Variants in HRH2 observed in about 807,000 individuals in gnomAD.
The protein encoded by HRH2 is histamine receptor H2.
HRH2 carries 4 observed loss-of-function variants against 20.1 expected under a neutral mutation model. That is an observed-to-expected ratio of 0.20 (90% CI 0.10 to 0.45). The LOEUF is 0.45. Among genes scored for constraint, HRH2 ranks in the 20% least tolerant of loss-of-function variants. The pLI is 0.99. For missense variants in HRH2, 250 were observed against 461.6 expected (o/e 0.54, Z 4.20); for synonymous variants, 197 against 200.7 (o/e 0.98, Z 0.16).
chr5:175,662,085 G>A (rs1042566615), intron 1 of HRH2, among the ~76,000 whole-genome samples: 18 of 152,262 alleles, frequency 1.2e-4, no homozygotes, highest in Admixed American at 6.5e-4. Context: ...ACAGTGGGGT[G>A]TGGCGAGAGT....
intron 1 of HRH2, among the ~76,000 whole-genome samples, chr5:175,665,258 G>A (rs1397333239): frequency 1.3e-5 from 2 of 152,212 alleles, no homozygotes; most frequent in East Asian, 1.9e-4. Context: ...TGCTACGACC[G>A]AGGAGGTACA....
At chr5:175,690,314 A>AT (rs1383156756) in intron 2 of HRH2, among the ~76,000 whole-genome samples, 1 of 152,142 alleles carries the variant, frequency 6.6e-6, no homozygotes, top group African/African-American at 2.4e-5. Context: ...AGTATGAGCC[A>AT]TGGCCACACC....
At chr5:175,674,051 A>C (rs995146277) in intron 1 of HRH2, among the ~76,000 whole-genome samples, 2 of 152,296 alleles carry the variant, frequency 1.3e-5, no homozygotes, top group Non-Finnish European at 2.9e-5. Context: ...AGCTTTTCCC[A>C]TACAAACAAA....
intron 2 of HRH2, among the ~76,000 whole-genome samples, chr5:175,700,377 C>T (rs1756757545): frequency 6.6e-6 from 1 of 152,182 alleles, no homozygotes; most frequent in African/African-American, 2.4e-5. Flanking sequence ...CACACATGAA[C>T]ACCTACTATA....
At position 175,710,692 on chromosome 5, in the gene HRH2, C is replaced by T. The variant is rs1222371101; in HGVS notation, c.*2721C>T. On this transcript the variant is annotated 3_prime_UTR_variant, in exon 3 of 3. Coordinates refer to ENST00000636584, the MANE Select transcript of HRH2 (RefSeq NM_001367711.1). ...TGCATGCTGCCTGGAGGAGGAACAT[C>T]TGTGGTGGGACCCCAAATCCATGTT... 1.3e-5 allele frequency: 2 copies of T among 152,254 alleles called. No individual in the cohort carries two copies. The highest frequency in any genetic ancestry group is 2.9e-5 in the Non-Finnish European group (2 of 68,046). 9.4% of individuals were successfully genotyped at this position (152,254 alleles called of 1,614,324 possible). A position where few individuals can be genotyped will look rare whatever the true frequency, so the allele number is the denominator to read the frequency against.
At chr5:175,685,432 GCT>G in intron 2 of HRH2, 1 of 1,551,564 alleles carries the variant, frequency 6.4e-7, no homozygotes, top group Non-Finnish European at 8.7e-7. Flanking sequence ...CTTCCAGAAT[GCT>G]GGTCTGTGGA....
intron 1 of HRH2, among the ~76,000 whole-genome samples, chr5:175,664,057 G>C (rs966382679): frequency 6.6e-6 from 1 of 152,228 alleles, no homozygotes; most frequent in African/African-American, 2.4e-5. Context: ...ACGGACTAGA[G>C]CAGGCAGTGT....
At chr5:175,692,869 C>T (rs753757405) in intron 2 of HRH2, among the ~76,000 whole-genome samples, 5 of 152,178 alleles carry the variant, frequency 3.3e-5, no homozygotes, top group African/African-American at 4.8e-5. Flanking sequence ...TGGTGAGGAA[C>T]GTGTTTTTTA....
chr5:175,689,992 G>C (rs527558284), intron 2 of HRH2, among the ~76,000 whole-genome samples: 20 of 152,232 alleles, frequency 1.3e-4, no homozygotes, highest in African/African-American at 4.8e-4. Flanking sequence ...TGATACACAC[G>C]CTTCTGAAGA....
Position 175,683,129 on chromosome 5 carries a change from T to A in HRH2, c.-105T>A. ...AAAAAAAAACTGGACACATTTTGGA[T>A]CTGTTGGGAGCTTGGAGTCCAGTGG... On this transcript the variant is annotated 5_prime_UTR_variant, in exon 2 of 3. Transcript: ENST00000636584. 2.5e-6 allele frequency: 3 copies of A among 1,215,766 alleles called. No homozygotes were observed. The highest frequency in any genetic ancestry group is 3.4e-6 in the Non-Finnish European group (3 of 884,842). 75.3% of individuals were successfully genotyped at this position (1,215,766 alleles called of 1,614,324 possible).
intron 1 of HRH2, among the ~76,000 whole-genome samples, chr5:175,670,935 G>C (rs1462769200): frequency 6.6e-6 from 1 of 152,252 alleles, no homozygotes; most frequent in Non-Finnish European, 1.5e-5. Flanking sequence ...CACAGACATG[G>C]GCCCTGCCCT....
rs1757036796 is a variant in HRH2 at position 175,709,602 on chromosome 5, C to T, written c.*1631C>T. On this transcript the variant is annotated 3_prime_UTR_variant, in exon 3 of 3. Transcript: ENST00000636584. ...CCAAAGCCTGCCCGGGCTTCACAGG[C>T]TGAGGGTCCACCTTGCCACCTCCGT... 6.6e-6 allele frequency: 1 copy of T among 152,636 alleles called. No homozygotes were observed. The highest frequency in any genetic ancestry group is 1.5e-5 in the Non-Finnish European group (1 of 68,372). The allele number at this position is 152,636 out of a possible 1,614,324, so 9.5% of individuals were successfully genotyped here.
intron 2 of HRH2, among the ~76,000 whole-genome samples, chr5:175,692,891 C>T (rs984468872): frequency 6.6e-6 from 1 of 152,182 alleles, no homozygotes; most frequent in African/African-American, 2.4e-5. Flanking sequence ...ACTAATGAGT[C>T]GCTCAAAGTG....
intron 2 of HRH2, among the ~76,000 whole-genome samples, chr5:175,690,896 C>A (rs573996967): frequency 6.6e-6 from 1 of 152,230 alleles, no homozygotes; most frequent in Admixed American, 6.5e-5. Flanking sequence ...AACATTGCCA[C>A]GGTGCTATCT....
At chr5:175,669,872 A>G (rs1755461791) in intron 1 of HRH2, among the ~76,000 whole-genome samples, 1 of 152,264 alleles carries the variant, frequency 6.6e-6, no homozygotes, top group Non-Finnish European at 1.5e-5. Flanking sequence ...TTCAAAGAGC[A>G]CTAGAGCTCC....
At position 175,673,097 on chromosome 5, in the gene HRH2, T is replaced by C. The variant is rs141642527; in HGVS notation, c.-525-9612T>C. ...GTGTAACAGGACAAAACTGGTGAGG[T>C]AGAAGCAGGCAGGTGCTAGTGATTC... On this transcript the variant is annotated intron_variant, in intron 1 of 2. Coordinates refer to ENST00000636584, the MANE Select transcript of HRH2 (RefSeq NM_001367711.1). Among the ~76,000 whole-genome samples, 54 of 151,970 alleles carry C rather than the reference T, an allele frequency of 3.6e-4. 1 individual carries two copies. The highest frequency in any genetic ancestry group is 1.2e-3 in the African/African-American group (51 of 41,456).
intron 1 of HRH2, among the ~76,000 whole-genome samples, chr5:175,680,759 C>T (rs910990639): frequency 6.6e-6 from 1 of 152,056 alleles, no homozygotes; most frequent in Non-Finnish European, 1.5e-5. Context: ...AAAAAGGTGA[C>T]CAGAACTTAC....
chr5:175,658,616 A>C (rs1040956904), intron 1 of HRH2, among the ~76,000 whole-genome samples: 1 of 151,966 alleles, frequency 6.6e-6, no homozygotes, highest in Admixed American at 6.6e-5. Flanking sequence ...TGCTAAAGGG[A>C]AGCCAGCGGA....
intron 2 of HRH2, among the ~76,000 whole-genome samples, chr5:175,694,621 C>T (rs1412379169): frequency 2.0e-5 from 3 of 152,178 alleles, no homozygotes; most frequent in African/African-American, 7.2e-5. Flanking sequence ...CTCCTGCAGC[C>T]CCTGTGGAGG....
Sources: allele counts gnomAD v4.1 joint callset (sites outside exome capture counted in the v4.1 genomes callset), GRCh38; gene constraint gnomAD v4.1.1; transcripts MANE v1.5; gene names NCBI Gene and HGNC (gene_info 2026-07-23, HGNC 2026-07-21).